The following FHIT variants were observed in gnomAD, a reference collection of about 807,000 sequenced individuals.
The protein encoded by FHIT is fragile histidine triad diadenosine triphosphatase.
Under a neutral mutation model 17.9 loss-of-function variants are expected in FHIT, and 19 were observed. The observed-to-expected ratio is 1.06, with a 90% CI of 0.74 to 1.56. FHIT has a LOEUF of 1.56. Ranked by LOEUF, FHIT falls within the 40% of genes most tolerant of loss-of-function variation. The pLI is 0.00. For synonymous variants in FHIT, 81 were observed against 69.7 expected, an observed-to-expected ratio of 1.16 and a Z score of -0.81; for missense variants, 248 against 189.2, an observed-to-expected ratio of 1.31 and a Z score of -1.82.
At chr3:60,798,619 G>C (rs1553731192) in intron 4 of FHIT, among the ~76,000 whole-genome samples, 1 of 152,120 alleles carries the variant, frequency 6.6e-6, no homozygotes, top group Admixed American at 6.6e-5. Flanking sequence ...ATGTAGGCCT[G>C]AATACAACAG....
intron 4 of FHIT, among the ~76,000 whole-genome samples, chr3:60,724,465 C>T (rs1559671989): frequency 6.6e-6 from 1 of 152,104 alleles, no homozygotes; most frequent in Non-Finnish European, 1.5e-5. Context: ...TTTTTATGCA[C>T]ATATGATTTC....
rs987618091 is a variant in FHIT at position 60,081,525 on chromosome 3, C to G, written c.104-67373G>C. ...TAGTAATAAGGTTCTGTTCAAGGAA[C>G]TATTGGCTAATCATTCATATCCTGA... is the stretch of plus-strand genomic sequence containing the variant. On this transcript the variant is annotated intron_variant, in intron 5 of 9. Transcript: ENST00000492590. 2.0e-5 allele frequency among the ~76,000 whole-genome samples: 3 copies of G among 152,200 alleles called. 1 individual carries two copies. In the South Asian group the frequency reaches 6.2e-4, roughly 32 times the overall value.
intron 5 of FHIT, among the ~76,000 whole-genome samples, chr3:60,145,926 T>G (rs1700220131): frequency 6.6e-6 from 1 of 152,198 alleles, no homozygotes; most frequent in Non-Finnish European, 1.5e-5. Flanking sequence ...TTATAAACCA[T>G]CAAAAGTTCT....
intron 8 of FHIT, among the ~76,000 whole-genome samples, chr3:59,892,091 T>C (rs928570561): frequency 3.3e-5 from 5 of 152,224 alleles, no homozygotes; most frequent in Admixed American, 6.5e-5. Context: ...TCTGAGATCC[T>C]TGACTTACCT....
chr3:60,425,048 T>C (rs1232510221), intron 5 of FHIT, among the ~76,000 whole-genome samples: 1 of 152,034 alleles, frequency 6.6e-6, no homozygotes, highest in Non-Finnish European at 1.5e-5. Context: ...GGTAGGCAAG[T>C]AAAAACCACA....
At chr3:59,954,419 A>C (rs1441440027) in intron 7 of FHIT, among the ~76,000 whole-genome samples, 1 of 152,148 alleles carries the variant, frequency 6.6e-6, no homozygotes, top group African/African-American at 2.4e-5. Context: ...ACAATGAAGA[A>C]AAAATCACGG....
At chr3:61,209,166 G>A (rs1049428951) in intron 1 of FHIT, among the ~76,000 whole-genome samples, 2 of 152,154 alleles carry the variant, frequency 1.3e-5, no homozygotes, top group Non-Finnish European at 2.9e-5. Flanking sequence ...CTGGCTTGTA[G>A]AGTTTCTGCC....
rs563541503 is a variant in FHIT at position 59,842,813 on chromosome 3, A to G, written c.348+79533T>C. Among the ~76,000 whole-genome samples the G allele has an allele frequency of 2.0e-5, 3 of 152,142 alleles. No individual in the cohort carries two copies. In the East Asian group the frequency reaches 5.8e-4, roughly 29 times the overall value. ...ATCTATATATTATGAATATTAATCT[A>G]TTATCAGATATATGATTTGCAAATA... is the stretch of plus-strand genomic sequence containing the variant. On this transcript the variant is annotated intron_variant, in intron 8 of 9. Transcript: ENST00000492590.
chr3:60,871,324 C>T (rs1318914988), intron 3 of FHIT, among the ~76,000 whole-genome samples: 1 of 152,020 alleles, frequency 6.6e-6, no homozygotes, highest in African/African-American at 2.4e-5. Flanking sequence ...ACATGACTAC[C>T]TTAGGAAAAG....
intron 2 of FHIT, among the ~76,000 whole-genome samples, chr3:61,051,785 ACT>A (rs1423474381): frequency 2.0e-5 from 3 of 151,982 alleles, no homozygotes; most frequent in Admixed American, 6.6e-5. Flanking sequence ...AATTTTGGAA[ACT>A]CTATCAAGAA....
chr3:59,890,728 T>A lies in FHIT; in HGVS notation c.348+31618A>T, dbSNP rs55748694. ...GAGAGAAATTATAATAAAAATATCATAGTTCAAAGTACTTTGGAAATGCTG... is the reference window on the plus strand; with the variant it reads ...GAGAGAAATTATAATAAAAATATCAAAGTTCAAAGTACTTTGGAAATGCTG... On this transcript the variant is annotated intron_variant, in intron 8 of 9. Transcript: ENST00000492590. 7.4e-3 allele frequency among the ~76,000 whole-genome samples: 1,129 copies of A among 152,306 alleles called. 17 individuals carry two copies. The highest frequency in any genetic ancestry group is 0.026 in the African/African-American group (1,086 of 41,570).
Position 59,897,049 on chromosome 3 carries a change from A to T in FHIT, c.348+25297T>A, listed in dbSNP as rs192148624. 2.2e-4 allele frequency among the ~76,000 whole-genome samples: 33 copies of T among 152,200 alleles called. No homozygotes were observed. In the East Asian group the frequency reaches 6.2e-3, roughly 29 times the overall value. ...GTTCCTCTTGGTCTGCCTCCCACCCACCTTTCCAACTGCAGTTCTTATCAC... is the reference window on the plus strand; with the variant it reads ...GTTCCTCTTGGTCTGCCTCCCACCCTCCTTTCCAACTGCAGTTCTTATCAC... On this transcript the variant is annotated intron_variant, in intron 8 of 9. Transcript: ENST00000492590.
intron 8 of FHIT, among the ~76,000 whole-genome samples, chr3:59,761,473 T>G (rs1701508916): frequency 6.6e-6 from 1 of 152,104 alleles, no homozygotes; most frequent in Non-Finnish European, 1.5e-5. Context: ...TATGATAAAG[T>G]TGAATGTATA....
At chr3:60,122,936 G>GA (rs1172728732) in intron 5 of FHIT, among the ~76,000 whole-genome samples, 3 of 152,144 alleles carry the variant, frequency 2.0e-5, no homozygotes, top group Admixed American at 1.3e-4. Flanking sequence ...TTACACAAGT[G>GA]AAAAAAAGAT....
At chr3:59,965,836 G>C (rs753340628) in intron 7 of FHIT, among the ~76,000 whole-genome samples, 5 of 152,118 alleles carry the variant, frequency 3.3e-5, no homozygotes, top group Non-Finnish European at 7.4e-5. Flanking sequence ...CACAGAGAAA[G>C]TTGAACTCAA....
chr3:60,990,944 G>C (rs1042842449), intron 3 of FHIT, among the ~76,000 whole-genome samples: 1 of 152,052 alleles, frequency 6.6e-6, no homozygotes, highest in African/African-American at 2.4e-5. Flanking sequence ...CCTACTAAGC[G>C]CCAGGTACTT....
intron 4 of FHIT, among the ~76,000 whole-genome samples, chr3:60,680,043 G>C (rs1577062194): frequency 6.6e-6 from 1 of 152,246 alleles, no homozygotes; most frequent in African/African-American, 2.4e-5. Context: ...TTATCAAAAA[G>C]ATACTATTGT....
intron 5 of FHIT, among the ~76,000 whole-genome samples, chr3:60,468,714 A>G (rs1190330067): frequency 2.0e-5 from 3 of 152,138 alleles, no homozygotes; most frequent in African/African-American, 2.4e-5. Flanking sequence ...AGTAGTTTAC[A>G]TACTACAATA....
chr3:60,180,155 C>G (rs1446025091), intron 5 of FHIT, among the ~76,000 whole-genome samples: 2 of 152,280 alleles, frequency 1.3e-5, no homozygotes, highest in Admixed American at 6.5e-5. Context: ...AAAAAGCACA[C>G]AAGCTCGTCA....
Sources: allele counts gnomAD v4.1 joint callset (sites outside exome capture counted in the v4.1 genomes callset), GRCh38; gene constraint gnomAD v4.1.1; transcripts MANE v1.5; gene names NCBI Gene and HGNC (gene_info 2026-07-23, HGNC 2026-07-21).